ACYP2: variants seen among roughly 807,000 people sequenced by gnomAD.
The protein encoded by ACYP2 is acylphosphatase 2, also known as acylphosphatase-2.
A neutral mutation model predicts 11.2 loss-of-function variants in ACYP2; 12 were observed. The ratio of observed to expected loss-of-function variants is 1.08; its 90% CI spans 0.69 to 1.74. The LOEUF (loss-of-function observed/expected upper bound fraction) is 1.74. Ranked by LOEUF, ACYP2 falls within the 40% of genes most tolerant of loss-of-function variation. The pLI is 0.00. For missense variants in ACYP2, 134 were observed against 101.9 expected (o/e 1.31, Z -1.35); for synonymous variants, 43 against 32.2 (o/e 1.33, Z -1.13).
At chr2:54,282,116 TTAAG>T (rs1471803398) in intron 6 of ACYP2, among the ~76,000 whole-genome samples, 1 of 152,216 alleles carries the variant, frequency 6.6e-6, no homozygotes, top group Non-Finnish European at 1.5e-5. Flanking sequence ...ATATGTTAAT[TTAAG>T]TATTTTTTTG....
intron 4 of ACYP2, among the ~76,000 whole-genome samples, chr2:54,058,976 G>T (rs967761023): frequency 6.6e-6 from 1 of 152,074 alleles, no homozygotes; most frequent in African/African-American, 2.4e-5. Context: ...CTCTGGTCAC[G>T]GAGGGGTTTG....
chr2:54,195,647 A>ACC (rs1684435399), intron 6 of ACYP2, among the ~76,000 whole-genome samples: 1 of 138,282 alleles, frequency 7.2e-6, no homozygotes, highest in East Asian at 2.1e-4. Context: ...GCAAAAAAAA[A>ACC]AAAACAAAAC....
At chr2:54,017,537 G>A (rs1295999549) in intron 2 of ACYP2, among the ~76,000 whole-genome samples, 3 of 152,134 alleles carry the variant, frequency 2.0e-5, no homozygotes, top group African/African-American at 7.2e-5. Context: ...TTATAGGCAT[G>A]AGCCACTGTG....
chr2:54,204,375 G>A (rs561922446), intron 6 of ACYP2, among the ~76,000 whole-genome samples: 3 of 150,844 alleles, frequency 2.0e-5, no homozygotes, highest in African/African-American at 4.9e-5. Flanking sequence ...GTGGCCCAAC[G>A]CAATTTTTCT....
At chr2:54,276,723 T>A (rs1411161592) in intron 6 of ACYP2, among the ~76,000 whole-genome samples, 1 of 152,016 alleles carries the variant, frequency 6.6e-6, no homozygotes, top group Non-Finnish European at 1.5e-5. Flanking sequence ...TCATAATCTT[T>A]TGTTAATTTT....
intron 6 of ACYP2, among the ~76,000 whole-genome samples, chr2:54,272,705 T>C (rs1240678192): frequency 6.6e-6 from 1 of 152,214 alleles, no homozygotes; most frequent in Non-Finnish European, 1.5e-5. Flanking sequence ...ATACAAATTC[T>C]CACAGAGGCT....
intron 4 of ACYP2, among the ~76,000 whole-genome samples, chr2:54,103,439 G>C (rs1417043765): frequency 6.6e-6 from 1 of 152,022 alleles, no homozygotes; most frequent in Non-Finnish European, 1.5e-5. Flanking sequence ...TTTCAGTTTT[G>C]CATGCTGGAA....
rs538059450 is a variant in ACYP2, at chr2:53,977,165, A to G, written c.62+3355A>G. On this transcript the variant is annotated intron_variant, in intron 2 of 6. Coordinates refer to ENST00000607452, the MANE Select transcript of ACYP2 (RefSeq NM_001320586.2). ...TGGGTTCAAGCAATTCTTCTGCCTCAGTTTCCCGAGTAGCTGGGACTACAG... is the reference window on the plus strand; with the variant it reads ...TGGGTTCAAGCAATTCTTCTGCCTCGGTTTCCCGAGTAGCTGGGACTACAG... 3.9e-5 allele frequency among the ~76,000 whole-genome samples: 6 copies of G among 152,146 alleles called. No homozygotes were observed. In the East Asian group the frequency reaches 1.2e-3, roughly 29 times the overall value.
intron 6 of ACYP2, among the ~76,000 whole-genome samples, chr2:54,249,716 G>A (rs914184067): frequency 6.6e-6 from 1 of 152,072 alleles, no homozygotes. Context: ...CATGGCAGGA[G>A]GATTGCTTGA....
At chr2:54,230,237 C>T (rs1265241897) in intron 6 of ACYP2, among the ~76,000 whole-genome samples, 1 of 152,180 alleles carries the variant, frequency 6.6e-6, no homozygotes, top group African/African-American at 2.4e-5. Flanking sequence ...AAGAGGTAGG[C>T]ACCCTTTTAA....
chr2:54,115,632 C>A, intron 4 of ACYP2: 1 of 1,573,312 alleles, frequency 6.4e-7, no homozygotes, highest in Non-Finnish European at 8.6e-7. Flanking sequence ...CCCTCCCTCT[C>A]GCAGCCGCCG....
At chr2:54,204,086 C>T (rs1280366756) in intron 6 of ACYP2, among the ~76,000 whole-genome samples, 1 of 152,168 alleles carries the variant, frequency 6.6e-6, no homozygotes, top group Admixed American at 6.5e-5. Context: ...CCTCTGCCTC[C>T]CACGTTGAAG....
chr2:54,183,012 A>G (rs1232633409), intron 6 of ACYP2, among the ~76,000 whole-genome samples: 1 of 152,228 alleles, frequency 6.6e-6, no homozygotes, highest in Non-Finnish European at 1.5e-5. Context: ...GATATTTGCC[A>G]TCACCACCAT....
At chr2:54,023,564 G>A (rs190106782) in intron 2 of ACYP2, among the ~76,000 whole-genome samples, 2 of 152,212 alleles carry the variant, frequency 1.3e-5, no homozygotes, top group African/African-American at 4.8e-5. Flanking sequence ...TTAGTATATT[G>A]CTAATAGTAT....
chr2:54,302,687 T>C (rs1236076609), intron 6 of ACYP2, among the ~76,000 whole-genome samples: 8 of 152,118 alleles, frequency 5.3e-5, no homozygotes, highest in African/African-American at 1.9e-4. Flanking sequence ...AAATGTAACA[T>C]TCCAAAACTG....
chr2:54,274,563 G>C (rs1378796923), intron 6 of ACYP2, among the ~76,000 whole-genome samples: 1 of 144,178 alleles, frequency 6.9e-6, no homozygotes, highest in South Asian at 2.2e-4. Context: ...AAAGGCCAAG[G>C]CTGCAGTGAG....
chr2:54,046,157 C>A, intron 2 of ACYP2, among the ~76,000 whole-genome samples: 1 of 124,938 alleles, frequency 8.0e-6, no homozygotes, highest in Non-Finnish European at 1.6e-5. Context: ...GTGACAAAGC[C>A]AGACCCTGTC....
At chr2:54,300,853 G>A (rs1046800884) in intron 6 of ACYP2, among the ~76,000 whole-genome samples, 35 of 152,164 alleles carry the variant, frequency 2.3e-4, no homozygotes, top group Non-Finnish European at 1.9e-4. Context: ...CACCCTAATT[G>A]CCACTACTGG....
At chr2:54,290,870 C>A (rs1420280803) in intron 6 of ACYP2, among the ~76,000 whole-genome samples, 1 of 152,186 alleles carries the variant, frequency 6.6e-6, no homozygotes, top group African/African-American at 2.4e-5. Context: ...TCAAATATTG[C>A]TCTTCTGAGA....
Sources: allele counts gnomAD v4.1 joint callset (sites outside exome capture counted in the v4.1 genomes callset), GRCh38; gene constraint gnomAD v4.1.1; transcripts MANE v1.5; gene names NCBI Gene and HGNC (gene_info 2026-07-23, HGNC 2026-07-21).